CDH13: variants seen among roughly 807,000 people sequenced by gnomAD.
CDH13 encodes cadherin-13.
In CDH13, 24 loss-of-function variants were observed where a neutral mutation model predicts 63.8. The observed-to-expected ratio is 0.38, with a 90% CI of 0.27 to 0.53. The LOEUF is 0.53. Ranked by LOEUF, CDH13 falls within the 20% of genes least tolerant of loss-of-function variation. CDH13 has a pLI of 0.85. For missense variants in CDH13, 1,049 were observed against 903.1 expected (o/e 1.16, Z -2.07); for synonymous variants, 503 against 355.3 (o/e 1.42, Z -4.67).
At chr16:82,964,142 A>G (rs2062306858) in intron 2 of CDH13, among the ~76,000 whole-genome samples, 1 of 152,162 alleles carries the variant, frequency 6.6e-6, no homozygotes, top group Non-Finnish European at 1.5e-5. Context: ...GATCACTGAG[A>G]TCTCATAAAT....
chr16:83,610,517 C>G (rs114919257), intron 8 of CDH13, among the ~76,000 whole-genome samples: 1 of 152,126 alleles, frequency 6.6e-6, no homozygotes, highest in African/African-American at 2.4e-5. Context: ...ACCACCTGCT[C>G]GGTAAAACAG....
intron 2 of CDH13, among the ~76,000 whole-genome samples, chr16:82,904,186 C>G (rs2041564016): frequency 2.0e-5 from 3 of 152,076 alleles, no homozygotes; most frequent in Non-Finnish European, 2.9e-5. Context: ...ATACAAACAC[C>G]TAAATATAAC....
chr16:83,582,097 G>A (rs1905665269), intron 7 of CDH13, among the ~76,000 whole-genome samples: 1 of 152,158 alleles, frequency 6.6e-6, no homozygotes, highest in South Asian at 2.1e-4. Flanking sequence ...TGAACACAGG[G>A]TTGTCAGGGG....
intron 2 of CDH13, among the ~76,000 whole-genome samples, chr16:82,873,063 G>A (rs2040397221): frequency 6.6e-6 from 1 of 152,162 alleles, no homozygotes; most frequent in African/African-American, 2.4e-5. Flanking sequence ...ATTTCTGCAT[G>A]GCTGCTGAAG....
intron 5 of CDH13, among the ~76,000 whole-genome samples, chr16:83,269,451 T>C (rs1322191067): frequency 6.6e-6 from 1 of 152,186 alleles, no homozygotes; most frequent in Non-Finnish European, 1.5e-5. Context: ...CCTAGGGATA[T>C]GAAGATACAA....
intron 6 of CDH13, among the ~76,000 whole-genome samples, chr16:83,474,232 C>T (rs1171582093): frequency 6.6e-6 from 1 of 152,166 alleles, no homozygotes; most frequent in Non-Finnish European, 1.5e-5. Context: ...CTCCTCAGTG[C>T]CCCCTATATT....
chr16:82,806,089 C>T (rs1289685421), intron 1 of CDH13, among the ~76,000 whole-genome samples: 1 of 152,120 alleles, frequency 6.6e-6, no homozygotes, highest in Non-Finnish European at 1.5e-5. Context: ...TCATTTGTTT[C>T]CTTCCAAGCT....
chr16:82,957,528 G>C (rs779334887), intron 2 of CDH13, among the ~76,000 whole-genome samples: 2 of 152,054 alleles, frequency 1.3e-5, no homozygotes, highest in African/African-American at 2.4e-5. Context: ...GAGAAGTCAG[G>C]TGCCTCCCAA....
chr16:83,270,080 C>T (rs1048614682), intron 5 of CDH13, among the ~76,000 whole-genome samples: 1 of 152,122 alleles, frequency 6.6e-6, no homozygotes, highest in Non-Finnish European at 1.5e-5. Flanking sequence ...AAATTAATTA[C>T]TGAAGTAGTA....
At chr16:82,922,398 T>C (rs2042183044) in intron 2 of CDH13, among the ~76,000 whole-genome samples, 1 of 152,198 alleles carries the variant, frequency 6.6e-6, no homozygotes, top group South Asian at 2.1e-4. Flanking sequence ...AGGCAGATTC[T>C]TTCACATGCC....
At chr16:82,686,118 C>T (rs1287154719) in intron 1 of CDH13, among the ~76,000 whole-genome samples, 1 of 152,200 alleles carries the variant, frequency 6.6e-6, no homozygotes, top group East Asian at 1.9e-4. Context: ...TTGGGTAATG[C>T]ATCCTCATCT....
chr16:83,589,863 G>A (rs757103630), intron 7 of CDH13, among the ~76,000 whole-genome samples: 1 of 151,954 alleles, frequency 6.6e-6, no homozygotes, highest in Non-Finnish European at 1.5e-5. Flanking sequence ...CAACCTTCAA[G>A]CAAGTGATTG....
chr16:83,182,150 T>A (rs2038368151), intron 4 of CDH13, among the ~76,000 whole-genome samples: 1 of 152,242 alleles, frequency 6.6e-6, no homozygotes, highest in African/African-American at 2.4e-5. Context: ...AGAGCAATTT[T>A]ACCTGATGCA....
At chr16:83,547,931 C>T (rs1290061547) in intron 7 of CDH13, among the ~76,000 whole-genome samples, 1 of 152,088 alleles carries the variant, frequency 6.6e-6, no homozygotes, top group African/African-American at 2.4e-5. Flanking sequence ...AGACAGCAGA[C>T]CAGGCAGACC....
chr16:83,340,432 C>T (rs2090696436), intron 5 of CDH13, among the ~76,000 whole-genome samples: 1 of 152,088 alleles, frequency 6.6e-6, no homozygotes, highest in African/African-American at 2.4e-5. Flanking sequence ...CAGTGAAATT[C>T]CTAGCAGGTG....
At position 83,095,116 on chromosome 16, in the gene CDH13, A is replaced by C. The variant is rs144988052; in HGVS notation, c.367-30269A>C. Reference sequence around the variant, plus strand: ...TAAGAAGATTTCTGAACAGAAATAAAATAACCCTGATTTGTGGTGTTTGCC... The same window carrying C: ...TAAGAAGATTTCTGAACAGAAATAACATAACCCTGATTTGTGGTGTTTGCC... On this transcript the variant is annotated intron_variant, in intron 3 of 13. Transcript: ENST00000567109. 1.2e-4 allele frequency among the ~76,000 whole-genome samples: 18 copies of C among 152,360 alleles called. No homozygotes were observed. The East Asian group carries it at 2.7e-3, about 23-fold the overall frequency.
intron 2 of CDH13, among the ~76,000 whole-genome samples, chr16:82,880,617 C>T (rs1208812740): frequency 6.6e-6 from 1 of 152,182 alleles, no homozygotes; most frequent in Non-Finnish European, 1.5e-5. Context: ...ACTCTAATAG[C>T]CCAAGTCAAT....
chr16:82,814,574 G>T (rs892846061), intron 1 of CDH13, among the ~76,000 whole-genome samples: 3 of 152,130 alleles, frequency 2.0e-5, no homozygotes, highest in Non-Finnish European at 4.4e-5. Context: ...CCCACAGAGG[G>T]CATGGAAGCT....
chr16:83,310,826 G>A (rs150934756), intron 5 of CDH13, among the ~76,000 whole-genome samples: 1 of 152,296 alleles, frequency 6.6e-6, no homozygotes, highest in African/African-American at 2.4e-5. Context: ...ACTTGCTTCT[G>A]CCTGCAAAAG....
Sources: allele counts gnomAD v4.1 joint callset (sites outside exome capture counted in the v4.1 genomes callset), GRCh38; gene constraint gnomAD v4.1.1; transcripts MANE v1.5; gene names NCBI Gene and HGNC (gene_info 2026-07-23, HGNC 2026-07-21).